Variants in RBM33 observed in about 807,000 individuals in gnomAD.
The protein encoded by RBM33 is RNA-binding protein 33.
A neutral mutation model predicts 132.6 loss-of-function variants in RBM33; 28 were observed. The observed-to-expected ratio is 0.21, with a 90% CI of 0.16 to 0.29. The LOEUF is 0.29. Among genes scored for constraint, RBM33 ranks in the 10% least tolerant of loss-of-function variants. The pLI, the probability that RBM33 is intolerant of heterozygous loss-of-function variation, is 1.00. For missense variants in RBM33, 1,291 were observed against 1,518.5 expected (o/e 0.85, Z 2.49); for synonymous variants, 634 against 593.0 (o/e 1.07, Z -1.01).
chr7:155,762,107 T>C (rs1329786573), intron 14 of RBM33, among the ~76,000 whole-genome samples: 2 of 152,226 alleles, frequency 1.3e-5, no homozygotes, highest in Non-Finnish European at 2.9e-5. Flanking sequence ...TGGCCCCCCA[T>C]GGCCAGTTAT....
chr7:155,718,764 G>C (rs886821947), intron 9 of RBM33, among the ~76,000 whole-genome samples: 10 of 151,904 alleles, frequency 6.6e-5, no homozygotes, highest in African/African-American at 2.4e-4. Context: ...AGAGGTGGGG[G>C]GTGTATGTGT....
chr7:155,651,769 C>G (rs755790151), intron 1 of RBM33, among the ~76,000 whole-genome samples: 7 of 152,096 alleles, frequency 4.6e-5, no homozygotes, highest in Non-Finnish European at 8.8e-5. Flanking sequence ...TATCTCATAT[C>G]AAGCAGGAAT....
At position 155,720,375 on chromosome 7, in the gene RBM33, G is replaced by A. The variant is rs1260076648; in HGVS notation, c.1260+1932G>A. 2.0e-5 allele frequency among the ~76,000 whole-genome samples: 3 copies of A among 152,120 alleles called. No homozygotes were observed. In the East Asian group the frequency reaches 5.8e-4, roughly 29 times the overall value. ...TCCCTTAGAGAAAATCATGAAATGT[G>A]TATTTTTTAAAATACAGTAGCGGTA... On this transcript the variant is annotated intron_variant, in intron 9 of 17. Transcript: ENST00000401878.
chr7:155,649,583 T>A (rs962910265), intron 1 of RBM33, among the ~76,000 whole-genome samples: 1 of 152,222 alleles, frequency 6.6e-6, no homozygotes, highest in Non-Finnish European at 1.5e-5. Context: ...TATGGTGATG[T>A]GGAAATTTTG....
At position 155,706,976 on chromosome 7, in the gene RBM33, CGTG is replaced by C. The variant is rs1800134267; in HGVS notation, c.860_862del (p.Gly287del). 1.3e-6 allele frequency: 2 copies of C among 1,597,532 alleles called. No homozygotes were observed. Among genetic ancestry groups the C allele is most frequent in the Non-Finnish European group, 1.7e-6 (2 of 1,172,120 alleles). On this transcript the variant is annotated inframe_deletion, in exon 7 of 18. Coordinates refer to ENST00000401878, the MANE Select transcript of RBM33 (RefSeq NM_053043.3). The stretch of plus-strand genomic sequence containing the variant: ...ACGGCGAGGAGGTCCGCTGATGTGT[CGTG>C]GTGTGGGGGACCAGAGGAGAGAGAG...
intron 5 of RBM33, among the ~76,000 whole-genome samples, chr7:155,685,800 T>C (rs1799461257): frequency 6.6e-6 from 1 of 151,958 alleles, no homozygotes. Context: ...TTCACAAGAG[T>C]TTTTCTTAAT....
intron 2 of RBM33, among the ~76,000 whole-genome samples, chr7:155,666,934 G>T (rs1798817598): frequency 6.6e-6 from 1 of 152,108 alleles, no homozygotes. Context: ...GAACAAAAAT[G>T]TATTTGGAAA....
At position 155,774,972 on chromosome 7, in the gene RBM33, C is replaced by A; in HGVS notation, c.3465-21C>A. The A allele has an allele frequency of 6.2e-7, 1 of 1,612,030 alleles. No individual in the cohort carries two copies. Among genetic ancestry groups the A allele is most frequent in the Non-Finnish European group, 8.5e-7 (1 of 1,178,286 alleles). On this transcript the variant is annotated intron_variant, in intron 17 of 17. Transcript: ENST00000401878. This position sits in a 1 kb window ranked among gnomAD's most constrained non-coding sequence, Gnocchi z 4.2. ...GCCGATGTGCAGGGTTAGTGTCGAT[C>A]GTTTCTTTAAATTTTCACAGGCATA...
chr7:155,664,863 TAAAA>T (rs551335861), intron 1 of RBM33, among the ~76,000 whole-genome samples: 8 of 151,268 alleles, frequency 5.3e-5, no homozygotes, highest in Non-Finnish European at 1.2e-4. Flanking sequence ...TTTCATGCAG[TAAAA>T]AAACACTCAA....
intron 3 of RBM33, among the ~76,000 whole-genome samples, chr7:155,673,756 G>GCGCGCGCGCA (rs1554469913): frequency 1.5e-5 from 1 of 65,008 alleles, no homozygotes; most frequent in East Asian, 5.2e-4. Flanking sequence ...GTGTATATAC[G>GCGCGCGCGCA]CGCGCATGCG....
chr7:155,701,072 C>T (rs372433610), intron 6 of RBM33, 128 bp downstream of exon 6: 7 of 796,744 alleles, frequency 8.8e-6, no homozygotes, highest in African/African-American at 6.9e-5. Flanking sequence ...CGGAGAGTGG[C>T]CGGACTTTGG....
chr7:155,665,029 A>C (rs1798763167), intron 1 of RBM33, 146 bp from the exon 2 acceptor site: 1 of 576,246 alleles, frequency 1.7e-6, no homozygotes, highest in African/African-American at 1.9e-5. Context: ...AAAAATGGCT[A>C]AAGTAAAATG....
chr7:155,710,769 C>G (rs1315200184), intron 7 of RBM33, among the ~76,000 whole-genome samples: 1 of 151,608 alleles, frequency 6.6e-6, no homozygotes, highest in East Asian at 1.9e-4. Context: ...AGCAGGGTAA[C>G]TGGTGCACAT....
At chr7:155,747,063 G>C (rs1051645342) in intron 14 of RBM33, among the ~76,000 whole-genome samples, 1 of 152,136 alleles carries the variant, frequency 6.6e-6, no homozygotes, top group African/African-American at 2.4e-5. Flanking sequence ...ACTTTTTCAT[G>C]TGCTATAAGA....
At chr7:155,652,503 G>A (rs1227376532) in intron 1 of RBM33, among the ~76,000 whole-genome samples, 1 of 152,194 alleles carries the variant, frequency 6.6e-6, no homozygotes, top group African/African-American at 2.4e-5. Flanking sequence ...AGTCTATGTG[G>A]TATCTTATCC....
intron 1 of RBM33, among the ~76,000 whole-genome samples, chr7:155,664,479 C>A (rs116008571): frequency 6.6e-6 from 1 of 151,614 alleles, no homozygotes; most frequent in Non-Finnish European, 1.5e-5. Flanking sequence ...CTATGTTGGC[C>A]GAGCTGGTCT....
intron 16 of RBM33, among the ~76,000 whole-genome samples, chr7:155,768,819 T>C (rs1324116840): frequency 1.3e-5 from 2 of 152,144 alleles, no homozygotes; most frequent in Non-Finnish European, 2.9e-5. Flanking sequence ...TTCACTGTGT[T>C]AGCCAGGATG....
At chr7:155,720,373 G>GTGTAT (rs1800585333) in intron 9 of RBM33, among the ~76,000 whole-genome samples, 1 of 152,154 alleles carries the variant, frequency 6.6e-6, no homozygotes, top group African/African-American at 2.4e-5. Flanking sequence ...ATCATGAAAT[G>GTGTAT]TGTATTTTTT....
chr7:155,770,119 C>G (rs577947214), intron 16 of RBM33, among the ~76,000 whole-genome samples: 2 of 152,136 alleles, frequency 1.3e-5, no homozygotes, highest in Non-Finnish European at 2.9e-5. Flanking sequence ...GCAACGCGCC[C>G]GGGATGTGCA....
Sources: gnomAD v4.1 joint callset for allele counts (sites outside exome capture counted in the v4.1 genomes callset) on GRCh38, gnomAD v4.1.1 for gene constraint, Gnocchi (gnomAD v3.1) non-coding constraint, MANE v1.5 for transcripts, NCBI Gene and HGNC (gene_info 2026-07-23, HGNC 2026-07-21) for gene names.